Variants in UBE3B observed in about 807,000 individuals in gnomAD.
UBE3B encodes ubiquitin protein ligase E3B.
A neutral mutation model predicts 132.3 loss-of-function variants in UBE3B; 80 were observed. That is an observed-to-expected ratio of 0.60 (90% CI 0.50 to 0.73). UBE3B has a LOEUF of 0.73. UBE3B is among the 30% of genes least tolerant of loss of function. The pLI is 0.00. For synonymous variants in UBE3B, 487 were observed against 520.4 expected (o/e 0.94, Z 0.87); for missense variants, 1,196 against 1,362.5 (o/e 0.88, Z 1.92).
At chr12:109,519,903 A>G (rs1454579889) in intron 19 of UBE3B, 1 of 141,164 alleles carries the variant, frequency 7.1e-6, no homozygotes, top group Non-Finnish European at 1.6e-5. Flanking sequence ...GCACCATAGG[A>G]TAGTCCTTTG....
chr12:109,533,800 G>A (rs935957732), intron 27 of UBE3B: 2 of 886,576 alleles, frequency 2.3e-6, no homozygotes, highest in Admixed American at 2.0e-5. Context: ...CTCAGGGAAG[G>A]GTACCTGGAG....
In UBE3B at chr12:109,509,700, G is replaced by T. The variant is rs1265263420; in HGVS notation, c.1727G>T (p.Trp576Leu). The change falls in exon 16 of 28, where the codon TGG (tryptophan) becomes TTG (leucine). Residue 576 changes from tryptophan (W) to leucine (L), a missense_variant. Trp to Leu is a moderately conservative substitution (Grantham distance 61). Transcript: ENST00000342494. ...AATTCTTTTGTGTTTAAGATGATCT[G>T]GGATGGAATTGTAGGTAAGAGAAAA... The part of the protein sequence containing the change: ...FLNSFVFKMI[W>L]DGIVENAKGE... The T allele has an allele frequency of 1.2e-6, 2 of 1,604,796 alleles. No homozygotes were observed. Among genetic ancestry groups the T allele is most frequent in the South Asian group, 1.1e-5 (1 of 88,744 alleles).
intron 8 of UBE3B, chr12:109,490,348 A>C (rs1346178354): frequency 9.6e-6 from 14 of 1,457,210 alleles, no homozygotes; most frequent in Non-Finnish European, 1.3e-5. Flanking sequence ...CTGTGTCCTC[A>C]AACAGCCCTT....
chr12:109,547,167 C>G, the UBE3B span, among the ~76,000 whole-genome samples: 2 of 152,190 alleles, frequency 1.3e-5, no homozygotes, highest in African/African-American at 4.8e-5. The surrounding 1 kb of genome is among the most constrained non-coding windows in gnomAD (Gnocchi z 4.1). Context: ...TGGTGGGTCC[C>G]CAAACAGCAA....
chr12:109,485,228 A>G (rs2135780295), intron 4 of UBE3B, among the ~76,000 whole-genome samples: 1 of 152,340 alleles, frequency 6.6e-6, no homozygotes, highest in Non-Finnish European at 1.5e-5. Flanking sequence ...GCATGTCTCC[A>G]AGTTACCAGC....
intron 8 of UBE3B, chr12:109,490,296 C>G (rs1877240119): frequency 8.0e-7 from 1 of 1,249,018 alleles, no homozygotes; most frequent in African/African-American, 1.5e-5. Flanking sequence ...CTTGTTCCCT[C>G]AGATTCCTTC....
chr12:109,507,685 A>G lies in UBE3B; in HGVS notation c.1572A>G (p.Gln524=), dbSNP rs780496224. The change falls in exon 15 of 28, where the codon CAA becomes CAG. Residue 524 remains glutamine (Q), a synonymous_variant. Transcript: ENST00000342494. ...CLNNDTEESK[Q]LLAMLMLFCD... ...ACAATGACACTGAAGAGTCCAAGCA[A>G]CTCTTGGCCATGCTGATGCTGTTCT... is the stretch of plus-strand genomic sequence containing the variant. 7.4e-6 allele frequency: 12 copies of G among 1,613,870 alleles called. No homozygotes were observed. Among genetic ancestry groups the G allele is most frequent in the Non-Finnish European group, 9.3e-6 (11 of 1,179,944 alleles).
rs757786448 is a variant in UBE3B, at chr12:109,483,672, C to A, written c.121C>A (p.Arg41=). The A allele has an allele frequency of 6.2e-7, 1 of 1,611,600 alleles. No individual in the cohort carries two copies. Among genetic ancestry groups the A allele is most frequent in the Non-Finnish European group, 8.5e-7 (1 of 1,179,100 alleles). The change falls in exon 3 of 28, where the codon CGG becomes AGG. Residue 41 remains arginine, a synonymous_variant. Transcript: ENST00000342494. ...AGCTGTTGTGATCCAGGCCCATGTCCGGAGTTTTCTCTGTCGGAGTCGACT... is the reference window on the plus strand; with the variant it reads ...AGCTGTTGTGATCCAGGCCCATGTCAGGAGTTTTCTCTGTCGGAGTCGACT... The part of the protein sequence containing the change: ...RAAVVIQAHV[R]SFLCRSRLQR...
intron 18 of UBE3B, among the ~76,000 whole-genome samples, chr12:109,514,379 C>T (rs916270872): frequency 1.3e-5 from 2 of 152,224 alleles, no homozygotes; most frequent in East Asian, 1.9e-4. Context: ...CCACTGCAGT[C>T]GCTGAGGTTG....
At chr12:109,513,784 C>T (rs1211512372) in intron 18 of UBE3B, among the ~76,000 whole-genome samples, 7 of 152,100 alleles carry the variant, frequency 4.6e-5, no homozygotes, top group South Asian at 2.1e-4. Flanking sequence ...ATGGGGCCCT[C>T]GTCATCTCCT....
intron 15 of UBE3B, 167 bp from the exon 16 acceptor site, chr12:109,509,428 CT>C (rs958893741): frequency 5.8e-6 from 3 of 513,628 alleles, no homozygotes; most frequent in African/African-American, 1.9e-5. Flanking sequence ...CCCTTTCCCC[CT>C]ACCCCTGATG....
intron 18 of UBE3B, among the ~76,000 whole-genome samples, chr12:109,513,104 C>T (rs1880577442): frequency 6.6e-6 from 1 of 152,206 alleles, no homozygotes; most frequent in South Asian, 2.1e-4. Flanking sequence ...CTTAGCCTCT[C>T]CACCTCGTCT....
At chr12:109,487,191 G>T (rs1291361541) in intron 6 of UBE3B, among the ~76,000 whole-genome samples, 1 of 152,084 alleles carries the variant, frequency 6.6e-6, no homozygotes, top group Non-Finnish European at 1.5e-5. Flanking sequence ...GTGAATCCTG[G>T]GTTCATCTCT....
chr12:109,540,162 C>T (rs1015659106), downstream of UBE3B, among the ~76,000 whole-genome samples: 5 of 152,122 alleles, frequency 3.3e-5, no homozygotes, highest in Non-Finnish European at 7.4e-5. Flanking sequence ...CTGAGTCTGC[C>T]TAGATGTATG....
chr12:109,489,515 C>T (rs1877068155), intron 7 of UBE3B, among the ~76,000 whole-genome samples: 1 of 152,192 alleles, frequency 6.6e-6, no homozygotes, highest in African/African-American at 2.4e-5. Context: ...ACCCTGGCCT[C>T]TTGGGGGGAA....
the UBE3B span, among the ~76,000 whole-genome samples, chr12:109,544,110 T>C: frequency 3.9e-5 from 6 of 152,154 alleles, no homozygotes; most frequent in Non-Finnish European, 7.4e-5. Flanking sequence ...CTGGTTCTTC[T>C]GGCCCCAGCA....
At chr12:109,490,178 C>A in intron 8 of UBE3B, 174 bp downstream of exon 8, 3 of 867,540 alleles carry the variant, frequency 3.5e-6, no homozygotes, top group South Asian at 2.8e-5. Flanking sequence ...ACTTGTGGGT[C>A]AGGTAAAGGG....
chr12:109,532,757 C>T (rs1403147683), intron 26 of UBE3B, among the ~76,000 whole-genome samples: 2 of 152,228 alleles, frequency 1.3e-5, no homozygotes, highest in Non-Finnish European at 2.9e-5. Flanking sequence ...GCCCACAGGC[C>T]CCACTTGGGC....
chr12:109,524,295 G>A (rs988620480), intron 22 of UBE3B, 143 bp from the exon 23 acceptor site: 1 of 1,346,670 alleles, frequency 7.4e-7, no homozygotes, highest in Non-Finnish European at 1.0e-6. Flanking sequence ...CTTCCTCAAA[G>A]TCACGAATGA....
Sources: gnomAD v4.1 joint callset for allele counts (sites outside exome capture counted in the v4.1 genomes callset) on GRCh38, gnomAD v4.1.1 for gene constraint, Gnocchi (gnomAD v3.1) non-coding constraint, MANE v1.5 for transcripts, NCBI Gene and HGNC (gene_info 2026-07-23, HGNC 2026-07-21) for gene names.